CAMTA1: variants seen among roughly 807,000 people sequenced by gnomAD.
CAMTA1 encodes calmodulin-binding transcription activator 1.
CAMTA1 carries 27 observed loss-of-function variants against 170.9 expected under a neutral mutation model. The ratio of observed to expected loss-of-function variants is 0.16; its 90% CI spans 0.12 to 0.22. The LOEUF is 0.22. CAMTA1 is among the 10% of genes least tolerant of loss of function. The pLI, the probability that CAMTA1 is intolerant of heterozygous loss-of-function variation, is 1.00. For missense variants in CAMTA1, 1,619 were observed against 2,217.2 expected (o/e 0.73, Z 5.42); for synonymous variants, 833 against 891.5 (o/e 0.93, Z 1.17).
intron 5 of CAMTA1, among the ~76,000 whole-genome samples, chr1:7,360,486 A>G (rs2085458082): frequency 6.6e-6 from 1 of 152,180 alleles, no homozygotes; most frequent in Admixed American, 6.5e-5. Context: ...CAAGTGGCTT[A>G]ACTTCTCCAA....
intron 4 of CAMTA1, among the ~76,000 whole-genome samples, chr1:7,192,148 C>T (rs1011281698): frequency 3.3e-5 from 5 of 152,192 alleles, no homozygotes; most frequent in Non-Finnish European, 5.9e-5. Flanking sequence ...CTACAATGCT[C>T]CTGGTTCTGG....
chr1:7,460,409 A>G (rs1028199263), intron 5 of CAMTA1, among the ~76,000 whole-genome samples: 1 of 152,176 alleles, frequency 6.6e-6, no homozygotes, highest in Non-Finnish European at 1.5e-5. Flanking sequence ...TTTGCCCGGC[A>G]TGTACACGCT....
intron 5 of CAMTA1, among the ~76,000 whole-genome samples, chr1:7,320,156 G>T (rs186014170): frequency 6.6e-6 from 1 of 152,168 alleles, no homozygotes. Flanking sequence ...ACGTGGTAAG[G>T]TGATTGTAGG....
intron 5 of CAMTA1, among the ~76,000 whole-genome samples, chr1:7,341,372 G>A (rs2083818214): frequency 6.6e-6 from 1 of 152,260 alleles, no homozygotes; most frequent in Admixed American, 6.5e-5. Context: ...AGCCTGTGCA[G>A]CCTGAGAAGA....
intron 3 of CAMTA1, among the ~76,000 whole-genome samples, chr1:7,074,533 A>T (rs1157201796): frequency 6.6e-6 from 1 of 152,222 alleles, no homozygotes; most frequent in African/African-American, 2.4e-5. Context: ...TTAAAAACAT[A>T]TTTGAGATAA....
Position 7,234,616 on chromosome 1 carries a change from C to G in CAMTA1, c.303-14875C>G, listed in dbSNP as rs751767045. On this transcript the variant is annotated intron_variant, in intron 4 of 22. Coordinates refer to ENST00000303635, the MANE Select transcript of CAMTA1 (RefSeq NM_015215.4). This position sits in a 1 kb window ranked among gnomAD's most constrained non-coding sequence, Gnocchi z 5.0. ...GAGTTTCAAGCCGAGGCCCTGGGAG[C>G]CCTGGGAAGGTGCCATGAAGGAGGC... Among the ~76,000 whole-genome samples the G allele has an allele frequency of 6.6e-6, 1 of 152,208 alleles. No individual in the cohort carries two copies. Among genetic ancestry groups the G allele is most frequent in the Non-Finnish European group, 1.5e-5 (1 of 68,036 alleles).
chr1:6,904,286 T>A (rs371562305), intron 3 of CAMTA1, among the ~76,000 whole-genome samples: 29 of 152,338 alleles, frequency 1.9e-4, no homozygotes, highest in African/African-American at 6.7e-4. Flanking sequence ...TTTGTTGATG[T>A]TAGCTGTCCT....
At chr1:7,203,009 C>T (rs6577420) in intron 4 of CAMTA1, among the ~76,000 whole-genome samples, 93,299 of 151,958 alleles carry the variant, frequency 0.61, 29,005 homozygotes, top group African/African-American at 0.69. Flanking sequence ...AGCTGTGGGA[C>T]TTTTGTAGGT....
At chr1:7,438,553 C>T (rs2092420517) in intron 5 of CAMTA1, among the ~76,000 whole-genome samples, 1 of 152,112 alleles carries the variant, frequency 6.6e-6, no homozygotes, top group South Asian at 2.1e-4. Context: ...CACCACTGGC[C>T]CCTGTGTCCA....
chr1:6,985,599 A>G (rs1035410823), intron 3 of CAMTA1, among the ~76,000 whole-genome samples: 1 of 152,236 alleles, frequency 6.6e-6, no homozygotes, highest in Non-Finnish European at 1.5e-5. Flanking sequence ...TTAAGAACAC[A>G]TATAATAAAA....
At chr1:7,045,648 G>A (rs1226205378) in intron 3 of CAMTA1, among the ~76,000 whole-genome samples, 1 of 152,202 alleles carries the variant, frequency 6.6e-6, no homozygotes, top group African/African-American at 2.4e-5. Context: ...ACTGAATCCT[G>A]GTTCTTTTGA....
intron 18 of CAMTA1, 114 bp from the exon 19 acceptor site, chr1:7,747,596 G>A (rs1299245574): frequency 1.8e-6 from 1 of 567,666 alleles, no homozygotes; most frequent in Non-Finnish European, 3.1e-6. Flanking sequence ...AATATTTTTT[G>A]GTAAACCTGG....
At chr1:7,497,177 C>T (rs1435741954) in intron 6 of CAMTA1, among the ~76,000 whole-genome samples, 1 of 152,156 alleles carries the variant, frequency 6.6e-6, no homozygotes, top group Admixed American at 6.5e-5. Context: ...AGAAGCTGCC[C>T]GTCTCACACC....
chr1:7,107,982 A>G (rs1643775656), intron 4 of CAMTA1, among the ~76,000 whole-genome samples: 1 of 151,926 alleles, frequency 6.6e-6, no homozygotes. Flanking sequence ...AGACACAACC[A>G]CCCCCTCGCT....
At chr1:7,034,730 C>T (rs776807536) in intron 3 of CAMTA1, among the ~76,000 whole-genome samples, 11 of 152,224 alleles carry the variant, frequency 7.2e-5, no homozygotes, top group African/African-American at 1.2e-4. Context: ...GGGGCAGTCC[C>T]GGGGCTGACC....
At position 6,887,022 on chromosome 1, in the gene CAMTA1, T is replaced by G. The variant is rs909128385; in HGVS notation, c.234+61812T>G. 1.3e-5 allele frequency among the ~76,000 whole-genome samples: 2 copies of G among 152,182 alleles called. No homozygotes were observed. Among genetic ancestry groups the G allele is most frequent in the Non-Finnish European group, 2.9e-5 (2 of 68,012 alleles). On this transcript the variant is annotated intron_variant, in intron 3 of 22. Transcript: ENST00000303635. The surrounding 1 kb of genome is among the most constrained non-coding windows in gnomAD (Gnocchi z 4.1). ...AAGTAACAATGGGAAGTGCTGGAAATGGAATTTAAGAAGTCCACCTTCTTA... is the reference window on the plus strand; with the variant it reads ...AAGTAACAATGGGAAGTGCTGGAAAGGGAATTTAAGAAGTCCACCTTCTTA...
chr1:6,945,540 G>A (rs547541971), intron 3 of CAMTA1, among the ~76,000 whole-genome samples: 1 of 152,024 alleles, frequency 6.6e-6, no homozygotes, highest in Non-Finnish European at 1.5e-5. Context: ...GTAGAGATGG[G>A]GTTTCGCCAG....
chr1:7,131,673 G>T (rs1645264253), intron 4 of CAMTA1, among the ~76,000 whole-genome samples: 1 of 151,872 alleles, frequency 6.6e-6, no homozygotes, highest in Non-Finnish European at 1.5e-5. Flanking sequence ...TTTCTATCCT[G>T]TTTCATTTTT....
intron 22 of CAMTA1, among the ~76,000 whole-genome samples, chr1:7,758,208 G>C (rs2096945541): frequency 1.4e-4 from 21 of 152,140 alleles, no homozygotes; most frequent in African/African-American, 4.8e-5. Flanking sequence ...TTTGAAACTT[G>C]TTAGTTTCTG....
Sources: allele counts gnomAD v4.1 joint callset (sites outside exome capture counted in the v4.1 genomes callset), GRCh38; gene constraint gnomAD v4.1.1; non-coding constraint Gnocchi (gnomAD v3.1); transcripts MANE v1.5; gene names NCBI Gene and HGNC (gene_info 2026-07-23, HGNC 2026-07-21).